Variants in LTBP3 observed in about 807,000 individuals in gnomAD.
LTBP3 encodes latent transforming growth factor beta binding protein 3, also known as latent-transforming growth factor beta-binding protein 3.
In LTBP3, 97 loss-of-function variants were observed where a neutral mutation model predicts 159.7. The observed-to-expected ratio is 0.61, with a 90% CI of 0.52 to 0.72. The LOEUF (loss-of-function observed/expected upper bound fraction) is 0.72. Ranked by LOEUF, LTBP3 falls within the 30% of genes least tolerant of loss-of-function variation. The pLI is 0.00. For missense variants in LTBP3, 1,584 were observed against 1,864.3 expected (o/e 0.85, Z 2.77); for synonymous variants, 824 against 777.1 (o/e 1.06, Z -1.00).
In LTBP3 at chr11:65,539,009, G is replaced by C; in HGVS notation, c.*71C>G. 2 of 1,324,140 alleles carry C rather than the reference G, an allele frequency of 1.5e-6. No homozygotes were observed. Among genetic ancestry groups the C allele is most frequent in the South Asian group, 1.8e-5 (1 of 54,358 alleles). The allele number at this position is 1,324,140 out of a possible 1,614,324, so 82.0% of individuals were successfully genotyped here. On this transcript the variant is annotated 3_prime_UTR_variant, in exon 28 of 28. Transcript: ENST00000301873. ...TGGGTCCGAGCCACAAGTCGGGGCA[G>C]AAGTGAGGCCGAGCTCGCGGAAATC...
Position 65,543,568 on chromosome 11 carries a change from G to A in LTBP3, c.2354-19C>T. On this transcript the variant is annotated intron_variant, in intron 16 of 27. Transcript: ENST00000301873. ...TCCACATCTGCAGGGCATAGGGGGT[G>A]TCAGAGGACCAGGCTGGGTGGTCTT... is the stretch of plus-strand genomic sequence containing the variant. The A allele has an allele frequency of 2.5e-6, 4 of 1,613,964 alleles. No homozygotes were observed. Among genetic ancestry groups the A allele is most frequent in the Non-Finnish European group, 3.4e-6 (4 of 1,179,924 alleles).
Position 65,553,821 on chromosome 11 carries a change from C to T in LTBP3, c.744G>A (p.Ser248=), listed in dbSNP as rs780680105. The T allele has an allele frequency of 1.9e-6, 3 of 1,562,618 alleles. No homozygotes were observed. Among genetic ancestry groups the T allele is most frequent in the African/African-American group, 2.7e-5 (2 of 74,236 alleles). The change falls in exon 3 of 28, where the codon TCG becomes TCA. Residue 248 remains serine (S), a synonymous_variant. Coordinates refer to ENST00000301873, the MANE Select transcript of LTBP3 (RefSeq NM_001130144.3). This position sits in a 1 kb window ranked among gnomAD's most constrained non-coding sequence, Gnocchi z 6.5. ...ASVQVHRIES[S]NAESAAPSQH... ...GGGAGGGGGCTGCGCTCTCGGCGTT[C>T]GAGCTCTCAATGCGGTGCACCTGGA...
In LTBP3 at chr11:65,540,590, C is replaced by G. The variant is rs1326322049; in HGVS notation, c.3002G>C (p.Gly1001Ala). 1 of 1,613,720 alleles carries G rather than the reference C, an allele frequency of 6.2e-7. No homozygotes were observed. The highest frequency in any genetic ancestry group is 2.2e-5 in the East Asian group (1 of 44,872). The change falls in exon 22 of 28, where the codon GGG becomes GCG. Residue 1001 changes from glycine (G) to alanine (A), a missense_variant. By Grantham distance (60) the Gly-to-Ala change is moderately conservative. Coordinates refer to ENST00000301873, the MANE Select transcript of LTBP3 (RefSeq NM_001130144.3). The stretch of plus-strand genomic sequence containing the variant: ...CTTGCCCTCCTTGCAAATCTCCGAC[C>G]CGAACAACATGCACTCGTCGATGTC... ...HRDIDECMLFGSEICKEGKCV... is the reference protein window; with the variant it reads ...HRDIDECMLFASEICKEGKCV...
rs1463194361 is a variant in LTBP3, at chr11:65,547,589, C to A, written c.1979-22G>T. The A allele has an allele frequency of 2.5e-6, 4 of 1,612,956 alleles. No individual in the cohort carries two copies. In the Middle Eastern group the frequency reaches 5.0e-4, roughly 200 times the overall value. ...AGGTCTGTGCGGGAGGAAGGGGCCA[C>A]GAAGGGGGTGTAGGAGGCGGCGGGC... On this transcript the variant is annotated intron_variant, in intron 13 of 27. Coordinates refer to ENST00000301873, the MANE Select transcript of LTBP3 (RefSeq NM_001130144.3). This position sits in a 1 kb window ranked among gnomAD's most constrained non-coding sequence, Gnocchi z 4.6.
At chr11:65,540,738 G>GGGGCGGGGCCTACAT in intron 21 of LTBP3, 124 bp from the exon 22 acceptor site, 2 of 940,716 alleles carry the variant, frequency 2.1e-6, no homozygotes, top group Non-Finnish European at 2.9e-6. Flanking sequence ...GGCCTACAGG[G>GGGGCGGGGCCTACAT]CGGGGCCTGC....
Position 65,541,613 on chromosome 11 carries a change from CT to C in LTBP3, c.2711del (p.Gln904ArgfsTer18). ...CDEGFTPTQD[Q>X]HGCEEVEQPH... Reference sequence around the variant, plus strand: ...GAGGACACTCACCCTCACAACCGTGCTGGTCCTGGGTGGGAGTGAAGCCCTC... The same window carrying C: ...GAGGACACTCACCCTCACAACCGTGCGGTCCTGGGTGGGAGTGAAGCCCTC... On this transcript the variant is annotated frameshift_variant, in exon 19 of 28. Coordinates refer to ENST00000301873, the MANE Select transcript of LTBP3 (RefSeq NM_001130144.3). LOFTEE classifies it high-confidence loss of function. 3 of 1,614,182 alleles carry C rather than the reference CT, an allele frequency of 1.9e-6. No individual in the cohort carries two copies. Among genetic ancestry groups the C allele is most frequent in the Non-Finnish European group, 2.5e-6 (3 of 1,180,018 alleles).
At chr11:65,543,598 T>G (rs768151023) in intron 16 of LTBP3, 49 bp from the exon 17 acceptor site, 6 of 1,612,810 alleles carry the variant, frequency 3.7e-6, no homozygotes, top group Non-Finnish European at 5.1e-6. Flanking sequence ...GGTCTTGGGT[T>G]TCTACTACTG....
At chr11:65,550,875 A>T (rs1318955442) in intron 11 of LTBP3, among the ~76,000 whole-genome samples, 1 of 152,242 alleles carries the variant, frequency 6.6e-6, no homozygotes, top group Non-Finnish European at 1.5e-5. Context: ...TGCTAGACAA[A>T]TTCTAAAAGA....
In LTBP3 at chr11:65,540,158, G is replaced by C. The variant is rs1565088084; in HGVS notation, c.3245-5C>G. On this transcript the variant is annotated splice_polypyrimidine_tract_variant and splice_region_variant and intron_variant, in intron 23 of 27. Coordinates refer to ENST00000301873, the MANE Select transcript of LTBP3 (RefSeq NM_001130144.3). ...GGTCCTGGCACTCGTCCACGTCTAC[G>C]AACAGCGAGGGGGTGGGTGGGGGCC... is the stretch of plus-strand genomic sequence containing the variant. 2.0e-6 allele frequency: 3 copies of C among 1,532,790 alleles called. No individual in the cohort carries two copies. Among genetic ancestry groups the C allele is most frequent in the African/African-American group, 1.4e-5 (1 of 72,662 alleles). 94.9% of individuals were successfully genotyped at this position (1,532,790 alleles called of 1,614,324 possible).
chr11:65,546,688 C>T lies in LTBP3; in HGVS notation c.2230+110G>A. On this transcript the variant is annotated intron_variant, in intron 15 of 27. Coordinates refer to ENST00000301873, the MANE Select transcript of LTBP3 (RefSeq NM_001130144.3). The surrounding 1 kb of genome is among the most constrained non-coding windows in gnomAD (Gnocchi z 4.0). ...AGGGCAGCCTCTACTCCCGGAAGGCCCCGCCCCCAGACGCCAATCACCACC... is the reference window on the plus strand; with the variant it reads ...AGGGCAGCCTCTACTCCCGGAAGGCTCCGCCCCCAGACGCCAATCACCACC... The T allele has an allele frequency of 6.5e-7, 1 of 1,534,834 alleles. No individual in the cohort carries two copies. Among genetic ancestry groups the T allele is most frequent in the South Asian group, 1.2e-5 (1 of 85,418 alleles).
chr11:65,541,100 G>C, intron 20 of LTBP3, 26 bp downstream of exon 20: 1 of 1,606,968 alleles, frequency 6.2e-7, no homozygotes, highest in Non-Finnish European at 8.5e-7. Flanking sequence ...CTGAAGATCT[G>C]GGAAGGGGCC....
chr11:65,548,146 T>C, intron 11 of LTBP3, 101 bp from the exon 12 acceptor site: 1 of 1,548,376 alleles, frequency 6.5e-7, no homozygotes, highest in Non-Finnish European at 8.9e-7. Flanking sequence ...TGACCTCAGG[T>C]TCCTGTACGC....
In LTBP3 at chr11:65,553,884, C is replaced by T; in HGVS notation, c.681G>A (p.Val227=). 1 of 1,552,348 alleles carries T rather than the reference C, an allele frequency of 6.4e-7. No individual in the cohort carries two copies. Among genetic ancestry groups the T allele is most frequent in the Non-Finnish European group, 8.7e-7 (1 of 1,155,334 alleles). Residue 227 remains valine (V), a synonymous_variant, in exon 3 of 28, where the codon GTG becomes GTA. Transcript: ENST00000301873. The surrounding 1 kb of genome is among the most constrained non-coding windows in gnomAD (Gnocchi z 6.5). ...ISAEVQAPPP[V]VNVRVHHPPE... is the part of the protein sequence containing the mutation. ...GCGGGTGATGGACGCGCACATTCAC[C>T]ACGGGGGGCGGGGCCTGCACTGGGG...
In LTBP3 at chr11:65,541,288, C is replaced by T; in HGVS notation, c.2731G>A (p.Glu911Lys). 2 of 1,611,028 alleles carry T rather than the reference C, an allele frequency of 1.2e-6. No homozygotes were observed. The highest frequency in any genetic ancestry group is 1.7e-6 in the Non-Finnish European group (2 of 1,179,988). The stretch of plus-strand genomic sequence containing the variant: ...CACTCCTTCTTGTGGTGGGGCTGCT[C>T]CACCTCTGAGGGGCAGACGGCAGCT... ...TQDQHGCEEV[E>K]QPHHKKECYL... is the part of the protein sequence containing the mutation. Residue 911 changes from glutamate (E) to lysine (K), a missense_variant, in exon 20 of 28, where the codon GAG (glutamate) becomes AAG (lysine). Glu to Lys is a moderately conservative substitution (Grantham distance 56). Around this residue, in one of 6 missense-constraint regions of LTBP3, gnomAD observed 565 missense variants for 677.7 expected, o/e 0.83. Coordinates refer to ENST00000301873, the MANE Select transcript of LTBP3 (RefSeq NM_001130144.3).
chr11:65,554,876 C>T lies in LTBP3; in HGVS notation c.332-496G>A, dbSNP rs897630217. On this transcript the variant is annotated intron_variant, in intron 1 of 27. Coordinates refer to ENST00000301873, the MANE Select transcript of LTBP3 (RefSeq NM_001130144.3). The surrounding 1 kb of genome is among the most constrained non-coding windows in gnomAD (Gnocchi z 5.3). Reference sequence around the variant, plus strand: ...CAGTCCTCTCTGCCTGCTCTCCACCCTCTCCCTCTTCACCATCCTGGGGCG... The same window carrying T: ...CAGTCCTCTCTGCCTGCTCTCCACCTTCTCCCTCTTCACCATCCTGGGGCG... Among the ~76,000 whole-genome samples, 1 of 151,912 alleles carries T rather than the reference C, an allele frequency of 6.6e-6. No individual in the cohort carries two copies. The highest frequency in any genetic ancestry group is 1.5e-5 in the Non-Finnish European group (1 of 67,952).
Position 65,540,173 on chromosome 11 carries a change from G to A in LTBP3, c.3245-20C>T, listed in dbSNP as rs1490201410. ...CCACGTCTACGAACAGCGAGGGGGT[G>A]GGTGGGGGCCGTCACAGCTCGGCCC... On this transcript the variant is annotated intron_variant, in intron 23 of 27. Coordinates refer to ENST00000301873, the MANE Select transcript of LTBP3 (RefSeq NM_001130144.3). The A allele has an allele frequency of 1.3e-6, 2 of 1,537,576 alleles. No individual in the cohort carries two copies. The highest frequency in any genetic ancestry group is 1.7e-6 in the Non-Finnish European group (2 of 1,143,914).
At chr11:65,543,276 G>A (rs1368773740) in intron 17 of LTBP3, 52 bp from the exon 18 acceptor site, 2 of 1,613,326 alleles carry the variant, frequency 1.2e-6, no homozygotes, top group Non-Finnish European at 1.7e-6. Context: ...ACCAACCCCA[G>A]CCTGAGGCAG....
rs1429925182 is a variant in LTBP3, at chr11:65,551,204, G to T, written c.1642C>A (p.Pro548Thr). The change falls in exon 11 of 28, where the codon CCC becomes ACC. Residue 548 changes from proline (P) to threonine (T), a missense_variant. By Grantham distance (38) the Pro-to-Thr change is conservative. Transcript: ENST00000301873. ...GGCAGGAACCAGCGCATGGTCGGGG[G>T]CGAGGGACGGGAGATCAGCTCTGCG... is the stretch of plus-strand genomic sequence containing the variant. ...PYPELISRPS[P>T]PTMRWFLPDL... 6.5e-7 allele frequency: 1 copy of T among 1,549,016 alleles called. No individual in the cohort carries two copies.
chr11:65,541,466 C>A, intron 19 of LTBP3, 134 bp downstream of exon 19: 1 of 1,495,194 alleles, frequency 6.7e-7, no homozygotes, highest in Non-Finnish European at 9.2e-7. Flanking sequence ...CTGGCCCCAC[C>A]AGACTCCCCC....
Sources: allele counts gnomAD v4.1 joint callset (sites outside exome capture counted in the v4.1 genomes callset), GRCh38; gene constraint gnomAD v4.1.1; regional missense constraint gnomAD v4.1.1; non-coding constraint Gnocchi (gnomAD v3.1); transcripts MANE v1.5; gene names NCBI Gene and HGNC (gene_info 2026-07-23, HGNC 2026-07-21).